DPY19L4: variants seen among roughly 807,000 people sequenced by gnomAD.
DPY19L4 encodes the protein dpy-19 like 4.
Under a neutral mutation model 102.8 loss-of-function variants are expected in DPY19L4, and 97 were observed. That is an observed-to-expected ratio of 0.94 (90% CI 0.80 to 1.12). DPY19L4 has a LOEUF of 1.12. Ranked by LOEUF, DPY19L4 falls within the 50% of genes most tolerant of loss-of-function variation. DPY19L4 has a pLI of 0.00. For missense variants in DPY19L4, 815 were observed against 850.4 expected, an observed-to-expected ratio of 0.96 and a Z score of 0.52; for synonymous variants, 252 against 283.1, an observed-to-expected ratio of 0.89 and a Z score of 1.10.
chr8:94,763,336 TTTTA>T (rs1046849417), intron 8 of DPY19L4, among the ~76,000 whole-genome samples: 2 of 150,210 alleles, frequency 1.3e-5, no homozygotes, highest in African/African-American at 4.9e-5. Flanking sequence ...TTTATTTTAT[TTTTA>T]TTTATTTTTA....
intron 13 of DPY19L4, among the ~76,000 whole-genome samples, chr8:94,776,681 G>A (rs1479090091): frequency 6.6e-6 from 1 of 151,708 alleles, no homozygotes; most frequent in African/African-American, 2.4e-5. Flanking sequence ...ACTCTTGTGT[G>A]TGGCCAGGTG....
rs750934318 is a variant in DPY19L4, at chr8:94,781,120, C to T, written c.1669C>T (p.Gln557Ter). ...PRLMTELMEL[Q>*]EFYDPDTVEL... is the part of the protein sequence containing the mutation. ...ATTAATGACAGAATTAATGGAACTACAGGAATTCTATGACCCAGATACAGT... is the reference window on the plus strand; with the variant it reads ...ATTAATGACAGAATTAATGGAACTATAGGAATTCTATGACCCAGATACAGT... Residue 557 changes from glutamine (Q) to a stop codon, truncating the protein, a stop_gained, in exon 16 of 19, where the codon CAG becomes TAG. Coordinates refer to ENST00000414645, the MANE Select transcript of DPY19L4 (RefSeq NM_181787.3). LOFTEE classifies it high-confidence loss of function. The T allele has an allele frequency of 3.8e-6, 6 of 1,560,446 alleles. No individual in the cohort carries two copies. The highest frequency in any genetic ancestry group is 5.2e-6 in the Non-Finnish European group (6 of 1,153,756).
chr8:94,750,327 C>T (rs569273647), intron 6 of DPY19L4, among the ~76,000 whole-genome samples: 4 of 152,288 alleles, frequency 2.6e-5, no homozygotes, highest in Non-Finnish European at 5.9e-5. Flanking sequence ...TAGATCTACA[C>T]GATGGTGTGT....
rs1813927638 is a variant in DPY19L4 at position 94,793,015 on chromosome 8, T to C, written c.*3105T>C. ...TTTTCTGACTTTGGCATCTGTATCT[T>C]GGTGCTTTCTGTTAGACTGGTAGAG... On this transcript the variant is annotated 3_prime_UTR_variant, in exon 19 of 19. Transcript: ENST00000414645. 1 of 152,262 alleles carries C rather than the reference T, an allele frequency of 6.6e-6. No homozygotes were observed. Among genetic ancestry groups the C allele is most frequent in the Non-Finnish European group, 1.5e-5 (1 of 68,050 alleles). 9.4% of individuals were successfully genotyped at this position (152,262 alleles called of 1,614,324 possible).
At chr8:94,763,367 G>A (rs575171619) in intron 8 of DPY19L4, among the ~76,000 whole-genome samples, 1 of 148,272 alleles carries the variant, frequency 6.7e-6, no homozygotes, top group African/African-American at 2.5e-5. Flanking sequence ...TGGAGACAGG[G>A]TCTCACTCCG....
intron 16 of DPY19L4, among the ~76,000 whole-genome samples, chr8:94,782,271 A>G (rs1813463910): frequency 6.6e-6 from 1 of 152,172 alleles, no homozygotes. Flanking sequence ...GAGGGGATCA[A>G]ATTTACTTGG....
chr8:94,729,366 C>T (rs554670195), intron 2 of DPY19L4, among the ~76,000 whole-genome samples: 136 of 136,242 alleles, frequency 1.0e-3, no homozygotes, highest in Admixed American at 1.7e-3. Flanking sequence ...AGTGAGACTC[C>T]GTCTTAAAAC....
chr8:94,727,980 G>A, intron 2 of DPY19L4, among the ~76,000 whole-genome samples: 1 of 150,330 alleles, frequency 6.7e-6, no homozygotes, highest in Non-Finnish European at 1.5e-5. Context: ...TTTTTTTCTT[G>A]AGACAGAGTC....
intron 10 of DPY19L4, among the ~76,000 whole-genome samples, chr8:94,766,139 GAA>G (rs1444068749): frequency 6.6e-6 from 1 of 152,052 alleles, no homozygotes; most frequent in Non-Finnish European, 1.5e-5. Context: ...GGATAAGGTT[GAA>G]ATGTTGTTGA....
At chr8:94,744,857 C>T in intron 6 of DPY19L4, 1 of 251,328 alleles carries the variant, frequency 4.0e-6, no homozygotes, top group South Asian at 5.5e-5. Flanking sequence ...ATATTCTACT[C>T]AAATGTATCT....
chr8:94,783,031 T>C (rs1813499849), intron 16 of DPY19L4, among the ~76,000 whole-genome samples: 1 of 151,752 alleles, frequency 6.6e-6, no homozygotes, highest in Admixed American at 6.6e-5. Context: ...AGCCGGGCAC[T>C]ATCCCTGGCG....
chr8:94,772,134 T>C (rs1812964166), intron 13 of DPY19L4, among the ~76,000 whole-genome samples: 2 of 152,198 alleles, frequency 1.3e-5, no homozygotes, highest in South Asian at 2.1e-4. Context: ...TGCCATCTTG[T>C]TAATAAACTT....
At chr8:94,755,561 G>A (rs1420204029) in intron 6 of DPY19L4, among the ~76,000 whole-genome samples, 3 of 152,182 alleles carry the variant, frequency 2.0e-5, no homozygotes, top group African/African-American at 4.8e-5. Flanking sequence ...GGGGCTGGGG[G>A]TGAGACCCTA....
Position 94,768,368 on chromosome 8 carries a change from T to TAA in DPY19L4, c.1176-26_1176-25dup, listed in dbSNP as rs768408254. On this transcript the variant is annotated intron_variant, in intron 11 of 18. Transcript: ENST00000414645. ...GTTCAGTTTAAAACGTCTATGAATTTAATATCATACTTTTTGTCTTCTATA... is the reference window on the plus strand; with the variant it reads ...GTTCAGTTTAAAACGTCTATGAATTTAAAATATCATACTTTTTGTCTTCTATA... 36 of 1,560,920 alleles carry TAA rather than the reference T, an allele frequency of 2.3e-5. No homozygotes were observed. In the South Asian group the frequency reaches 4.3e-4, roughly 19 times the overall value.
chr8:94,788,018 G>T lies in DPY19L4; in HGVS notation c.1973G>T (p.Arg658Met). ...GAGGTGGGACCCATGAGAGGCTGTA[G>T]GGTTAAAGATTTATTAGACATTGCA... Reference protein sequence around the residue: ...CNEVGPMRGCRVKDLLDIANG... With the variant: ...CNEVGPMRGCMVKDLLDIANG... Residue 658 changes from arginine to methionine, a missense_variant, in exon 18 of 19, where the codon AGG becomes ATG. Physicochemically the swap from Arg to Met is moderately conservative, Grantham distance 91 (BLOSUM62 -1). Coordinates refer to ENST00000414645, the MANE Select transcript of DPY19L4 (RefSeq NM_181787.3). 1 of 1,494,848 alleles carries T rather than the reference G, an allele frequency of 6.7e-7. No individual in the cohort carries two copies. The allele number at this position is 1,494,848 out of a possible 1,614,324, so 92.6% of individuals were successfully genotyped here. A position where few individuals can be genotyped will look rare whatever the true frequency, so the allele number is the denominator to read the frequency against.
chr8:94,749,554 C>G (rs74365549), intron 6 of DPY19L4, among the ~76,000 whole-genome samples: 2 of 151,830 alleles, frequency 1.3e-5, no homozygotes, highest in Non-Finnish European at 2.9e-5. Flanking sequence ...ACTCGATTGG[C>G]GAATAATTTA....
At chr8:94,753,233 T>C (rs1309115394) in intron 6 of DPY19L4, among the ~76,000 whole-genome samples, 1 of 152,132 alleles carries the variant, frequency 6.6e-6, no homozygotes, top group Non-Finnish European at 1.5e-5. Context: ...TAAAATATTT[T>C]TCAAAAAAGA....
intron 13 of DPY19L4, among the ~76,000 whole-genome samples, chr8:94,774,571 ACTT>A (rs1357481661): frequency 7.2e-6 from 1 of 138,138 alleles, no homozygotes; most frequent in South Asian, 2.3e-4. Context: ...TTGACTTTCC[ACTT>A]CTTTCTTTTT....
Position 94,791,876 on chromosome 8 carries a change from C to T in DPY19L4, c.*1966C>T, listed in dbSNP as rs1384675065. 6.6e-6 allele frequency: 1 copy of T among 151,956 alleles called. No individual in the cohort carries two copies. The highest frequency in any genetic ancestry group is 1.5e-5 in the Non-Finnish European group (1 of 67,998). 9.4% of individuals were successfully genotyped at this position (151,956 alleles called of 1,614,324 possible). ...ATGTTTTAAATAATGAATTTTTCAT[C>T]CAGCATCAGTTGAAAAGGAAAAGAA... On this transcript the variant is annotated 3_prime_UTR_variant, in exon 19 of 19. Coordinates refer to ENST00000414645, the MANE Select transcript of DPY19L4 (RefSeq NM_181787.3).
Sources: allele counts gnomAD v4.1 joint callset (sites outside exome capture counted in the v4.1 genomes callset), GRCh38; gene constraint gnomAD v4.1.1; transcripts MANE v1.5; gene names NCBI Gene and HGNC (gene_info 2026-07-23, HGNC 2026-07-21).